The following GPR21 variants were observed in gnomAD, a reference collection of about 807,000 sequenced individuals.
The protein encoded by GPR21 is G protein-coupled receptor 21, also known as probable G protein-coupled receptor 21.
A neutral mutation model predicts 21.5 loss-of-function variants in GPR21; 9 were observed. That is an observed-to-expected ratio of 0.42 (90% CI 0.25 to 0.73). The LOEUF (loss-of-function observed/expected upper bound fraction) is 0.73. Ranked by LOEUF, GPR21 falls within the 30% of genes least tolerant of loss-of-function variation. GPR21 has a pLI of 0.27. For synonymous variants in GPR21, 169 were observed against 159.3 expected (o/e 1.06, Z -0.46); for missense variants, 416 against 428.9 (o/e 0.97, Z 0.27).
At chr9:123,036,556 G>A (rs1485124221), downstream of GPR21, among the ~76,000 whole-genome samples, 1 of 152,156 alleles carries the variant, frequency 6.6e-6, no homozygotes, top group Non-Finnish European at 1.5e-5. Context: ...TGAAATATTA[G>A]AACATCAGGG....
the GPR21 span, among the ~76,000 whole-genome samples, chr9:123,044,638 TG>T: frequency 6.6e-6 from 1 of 151,912 alleles, no homozygotes; most frequent in Non-Finnish European, 1.5e-5. Flanking sequence ...TGTGTGTGTG[TG>T]TGTGTGTGTG....
the GPR21 span, among the ~76,000 whole-genome samples, chr9:123,043,692 A>C: frequency 1.3e-5 from 2 of 152,040 alleles, no homozygotes; most frequent in Non-Finnish European, 2.9e-5. Flanking sequence ...TCCATAGTGT[A>C]AACTCTGAAA....
the GPR21 span, among the ~76,000 whole-genome samples, chr9:123,044,234 C>G: frequency 6.6e-6 from 1 of 152,024 alleles, no homozygotes; most frequent in African/African-American, 2.4e-5. Flanking sequence ...AAGTGTAGAC[C>G]ACATTTAGGA....
At chr9:123,039,570 TAATA>T (rs1229436424), downstream of GPR21, among the ~76,000 whole-genome samples, 1 of 152,198 alleles carries the variant, frequency 6.6e-6, no homozygotes, top group Non-Finnish European at 1.5e-5. Context: ...AGATTTTAAA[TAATA>T]AATAATATCT....
At chr9:123,036,121 C>T (rs1254225904), downstream of GPR21, among the ~76,000 whole-genome samples, 3 of 152,188 alleles carry the variant, frequency 2.0e-5, no homozygotes, top group Non-Finnish European at 4.4e-5. Flanking sequence ...AGCATAACTA[C>T]ACTGCAAGTT....
At chr9:123,036,993 C>T (rs1412422541), downstream of GPR21, among the ~76,000 whole-genome samples, 1 of 152,128 alleles carries the variant, frequency 6.6e-6, no homozygotes, top group Non-Finnish European at 1.5e-5. Context: ...ATTCCGGCAG[C>T]TCCAGGCACG....
downstream of GPR21, among the ~76,000 whole-genome samples, chr9:123,038,255 A>G (rs1035246918): frequency 3.9e-5 from 6 of 152,178 alleles, no homozygotes; most frequent in African/African-American, 1.4e-4. Flanking sequence ...TCCATTTTGG[A>G]AAAGGTTTTC....
chr9:123,035,877 G>C (rs1027613825), downstream of GPR21, among the ~76,000 whole-genome samples: 4 of 152,244 alleles, frequency 2.6e-5, 1 homozygote, highest in South Asian at 8.3e-4. Context: ...AAATGTCTTG[G>C]AAATGACTAC....
the GPR21 span, among the ~76,000 whole-genome samples, chr9:123,046,296 C>T: frequency 6.6e-6 from 1 of 152,082 alleles, no homozygotes; most frequent in Admixed American, 6.6e-5. Flanking sequence ...GAGGCTGAAG[C>T]GGTAAAGAGG....
chr9:123,035,709 C>A, downstream of GPR21: 1 of 811,600 alleles, frequency 1.2e-6, no homozygotes, highest in Non-Finnish European at 1.9e-6. Flanking sequence ...ATTCCTAATT[C>A]ACTAGGAAAT....
Position 123,035,216 on chromosome 9 carries a change from T to C in GPR21, c.650T>C (p.Ile217Thr), listed in dbSNP as rs1416392605. Residue 217 changes from isoleucine (I) to threonine (T), a missense_variant, in exon 2 of 2, where the codon ATC becomes ACC. Coordinates refer to ENST00000616002, the MANE Select transcript of GPR21 (RefSeq NM_005294.3). ...VCFTYFNIFR[I>T]CQQHTKDISE... ...TTCACCTATTTCAACATCTTCCGCA[T>C]CTGCCAACAGCACACAAAGGATATC... 7 of 1,614,148 alleles carry C rather than the reference T, an allele frequency of 4.3e-6. No individual in the cohort carries two copies. The highest frequency in any genetic ancestry group is 2.2e-5 in the East Asian group (1 of 44,882).
downstream of GPR21, among the ~76,000 whole-genome samples, chr9:123,037,204 A>C (rs1037257661): frequency 4.6e-5 from 7 of 152,232 alleles, no homozygotes; most frequent in African/African-American, 1.7e-4. Flanking sequence ...TTTATAAAGC[A>C]GGCAGATAAG....
the GPR21 span, among the ~76,000 whole-genome samples, chr9:123,042,993 A>C: frequency 6.6e-6 from 1 of 152,198 alleles, no homozygotes; most frequent in African/African-American, 2.4e-5. Context: ...TTTTGCCACA[A>C]TAAAGCTAGA....
chr9:123,045,438 C>CT, the GPR21 span, among the ~76,000 whole-genome samples: 1 of 152,128 alleles, frequency 6.6e-6, no homozygotes, highest in Non-Finnish European at 1.5e-5. Context: ...TCGTAGGAAT[C>CT]TAAGTCATTC....
the GPR21 span, among the ~76,000 whole-genome samples, chr9:123,046,461 G>T: frequency 2.0e-5 from 3 of 152,222 alleles, no homozygotes; most frequent in Non-Finnish European, 2.9e-5. Context: ...CCAAAAGTAT[G>T]TGCTTGAGAG....
downstream of GPR21, among the ~76,000 whole-genome samples, chr9:123,036,247 A>G (rs772917371): frequency 6.6e-6 from 1 of 152,254 alleles, no homozygotes; most frequent in East Asian, 1.9e-4. Context: ...ACAGTGAACC[A>G]TGAAGCAAAA....
At chr9:123,035,966 C>T (rs768144615), downstream of GPR21, among the ~76,000 whole-genome samples, 7 of 152,146 alleles carry the variant, frequency 4.6e-5, no homozygotes, top group South Asian at 4.1e-4. Context: ...GTGTGAAAAG[C>T]GTCAGCATTT....
the GPR21 span, among the ~76,000 whole-genome samples, chr9:123,047,931 T>G: frequency 5.5e-5 from 4 of 72,124 alleles, no homozygotes; most frequent in Admixed American, 1.7e-4. Context: ...TTTTTTTTTT[T>G]TTTTTTTTTT....
Position 123,033,683 on chromosome 9 carries a change from A to G in GPR21, c.-456A>G, listed in dbSNP as rs1007183190. On this transcript the variant is annotated 5_prime_UTR_variant, in exon 1 of 2. Coordinates refer to ENST00000616002, the MANE Select transcript of GPR21 (RefSeq NM_005294.3). ...GGTTGAAGCACATTCCTGCTTTGCA[A>G]GGCTTTCTGCTAAGGATGTATTGTG... The G allele has an allele frequency of 1.3e-5, 2 of 151,988 alleles. No homozygotes were observed. Among genetic ancestry groups the G allele is most frequent in the Non-Finnish European group, 2.9e-5 (2 of 68,032 alleles). 9.4% of individuals were successfully genotyped at this position (151,988 alleles called of 1,614,324 possible).
Sources: gnomAD v4.1 joint callset for allele counts (sites outside exome capture counted in the v4.1 genomes callset) on GRCh38, gnomAD v4.1.1 for gene constraint, MANE v1.5 for transcripts, NCBI Gene and HGNC (gene_info 2026-07-23, HGNC 2026-07-21) for gene names.